Variants in ZC3H7A observed in about 807,000 individuals in gnomAD.
ZC3H7A encodes the protein zinc finger CCCH domain-containing protein 7A.
In ZC3H7A, 44 loss-of-function variants were observed where a neutral mutation model predicts 125.5. That is an observed-to-expected ratio of 0.35 (90% CI 0.28 to 0.45). The LOEUF is 0.45. ZC3H7A is among the 20% of genes least tolerant of loss of function. The pLI is 1.00. For missense variants in ZC3H7A, 977 were observed against 1,170.7 expected, an observed-to-expected ratio of 0.83 and a Z score of 2.41; for synonymous variants, 399 against 391.2, an observed-to-expected ratio of 1.02 and a Z score of -0.23.
chr16:11,793,965 G>C (rs2053393214), intron 1 of ZC3H7A, among the ~76,000 whole-genome samples: 1 of 152,186 alleles, frequency 6.6e-6, no homozygotes, highest in Admixed American at 6.5e-5. Flanking sequence ...AAGATACAAA[G>C]TCTGTGAAGA....
intron 1 of ZC3H7A, chr16:11,796,626 C>A: frequency 6.5e-6 from 1 of 153,024 alleles, no homozygotes. Flanking sequence ...CAAGGCCTCT[C>A]CCCGCCCGGC....
At chr16:11,757,483 CAAAAAAAAAAAA>C (rs61471026) in intron 20 of ZC3H7A, among the ~76,000 whole-genome samples, 3 of 40,980 alleles carry the variant, frequency 7.3e-5, no homozygotes, top group South Asian at 6.7e-4. Flanking sequence ...GACTCTGTCT[CAAAAAAAAAAAA>C]AAAAAAAAAA....
intron 1 of ZC3H7A, among the ~76,000 whole-genome samples, chr16:11,784,968 G>A (rs997514281): frequency 7.9e-5 from 12 of 152,096 alleles, no homozygotes; most frequent in African/African-American, 2.4e-4. Flanking sequence ...AGACCAGCCT[G>A]GCCAACATGG....
At chr16:11,756,124 C>T in intron 21 of ZC3H7A, 113 bp downstream of exon 21, 14 of 1,447,888 alleles carry the variant, frequency 9.7e-6, no homozygotes, top group African/African-American at 1.4e-5. Context: ...AATCACACCA[C>T]TGCACTCCAG....
intron 21 of ZC3H7A, among the ~76,000 whole-genome samples, chr16:11,754,517 C>CA (rs1472520752): frequency 1.3e-5 from 2 of 151,460 alleles, no homozygotes; most frequent in Non-Finnish European, 2.9e-5. Flanking sequence ...ACGGAGGTGC[C>CA]AAAAAACAAG....
chr16:11,792,022 C>T (rs2053362896), intron 1 of ZC3H7A, among the ~76,000 whole-genome samples: 1 of 152,194 alleles, frequency 6.6e-6, no homozygotes, highest in Admixed American at 6.5e-5. Context: ...ATCTTCCCAT[C>T]TCAGCCTCCC....
Position 11,765,301 on chromosome 16 carries a change from A to T in ZC3H7A, c.1720-148T>A. 3.0e-6 allele frequency: 2 copies of T among 658,766 alleles called. No homozygotes were observed. Among genetic ancestry groups the T allele is most frequent in the Non-Finnish European group, 4.7e-6 (2 of 423,928 alleles). 40.8% of individuals were successfully genotyped at this position (658,766 alleles called of 1,614,324 possible). A position where few individuals can be genotyped will look rare whatever the true frequency, so the allele number is the denominator to read the frequency against. On this transcript the variant is annotated intron_variant, in intron 14 of 22. Transcript: ENST00000355758. This position sits in a 1 kb window ranked among gnomAD's most constrained non-coding sequence, Gnocchi z 4.8. ...TTGGTAACAGTAATAGCCAACATTT[A>T]CTGAATGAATGTTTTATCACATGGG...
intron 15 of ZC3H7A, among the ~76,000 whole-genome samples, chr16:11,764,595 G>A (rs768636154): frequency 5.9e-5 from 9 of 152,110 alleles, no homozygotes; most frequent in Non-Finnish European, 1.2e-4. Context: ...AGTGGTGGGT[G>A]TCTGTAATCC....
rs371232408 is a variant in ZC3H7A, at chr16:11,762,785, T to A, written c.2003-38A>T. The A allele has an allele frequency of 4.2e-5, 68 of 1,603,648 alleles. No homozygotes were observed. In the African/African-American group the frequency reaches 8.7e-4, roughly 20 times the overall value. On this transcript the variant is annotated intron_variant, in intron 16 of 22. Transcript: ENST00000355758. Reference sequence around the variant, plus strand: ...CAAGCCTTCCTTTAAATTATATCTATAAGAACAACAGCCCACCAATCTGGG... The same window carrying A: ...CAAGCCTTCCTTTAAATTATATCTAAAAGAACAACAGCCCACCAATCTGGG...
intron 3 of ZC3H7A, among the ~76,000 whole-genome samples, chr16:11,781,035 C>T (rs1267931451): frequency 6.6e-6 from 1 of 151,792 alleles, no homozygotes; most frequent in Admixed American, 6.6e-5. Context: ...TAATTCAAAA[C>T]CACCCTAATA....
intron 11 of ZC3H7A, 72 bp from the exon 12 acceptor site, chr16:11,768,573 T>G: frequency 5.0e-6 from 6 of 1,204,686 alleles, no homozygotes; most frequent in Non-Finnish European, 6.7e-6. Flanking sequence ...AGAAAGGAAC[T>G]GAATTCATCT....
intron 16 of ZC3H7A, chr16:11,763,215 C>A: frequency 3.6e-6 from 1 of 278,786 alleles, no homozygotes; most frequent in Non-Finnish European, 6.7e-6. Context: ...TTAAGCAATT[C>A]TCATGCCTCA....
chr16:11,757,517 T>C (rs2052672636), intron 20 of ZC3H7A, among the ~76,000 whole-genome samples: 1 of 150,420 alleles, frequency 6.6e-6, no homozygotes, highest in Non-Finnish European at 1.5e-5. Context: ...AAAAAATTTG[T>C]TCCCAGTTGA....
intron 1 of ZC3H7A, among the ~76,000 whole-genome samples, chr16:11,794,169 T>A (rs2053396832): frequency 6.6e-6 from 1 of 152,180 alleles, no homozygotes; most frequent in Non-Finnish European, 1.5e-5. Flanking sequence ...ACCACCACGA[T>A]GTACCCAAGA....
rs185752227 is a variant in ZC3H7A at position 11,788,092 on chromosome 16, A to G, written c.-34-5704T>C. Among the ~76,000 whole-genome samples, 983 of 152,298 alleles carry G rather than the reference A, an allele frequency of 6.5e-3. 9 individuals are homozygous for G. The highest frequency in any genetic ancestry group is 9.7e-3 in the Non-Finnish European group (657 of 68,020). On this transcript the variant is annotated intron_variant, in intron 1 of 22. Transcript: ENST00000355758. ...TTAAAATCTAGCCTCAATTTTAAAG[A>G]AAGAAAGAATTTTACAAAGTTAACC...
At position 11,756,355 on chromosome 16, in the gene ZC3H7A, T is replaced by G; in HGVS notation, c.2444A>C (p.Gln815Pro). The G allele has an allele frequency of 1.2e-6, 2 of 1,613,390 alleles. No homozygotes were observed. The highest frequency in any genetic ancestry group is 1.7e-6 in the Non-Finnish European group (2 of 1,179,824). ...MKENGIQDME[Q>P]FYELWLKSQK... Reference sequence around the variant, plus strand: ...ACTCTTGAGCCATAGTTCGTAAAATTGCTCCATATCTTGTACTAAAGAAAA... The same window carrying G: ...ACTCTTGAGCCATAGTTCGTAAAATGGCTCCATATCTTGTACTAAAGAAAA... Residue 815 changes from glutamine to proline, a missense_variant, in exon 21 of 23, where the codon CAA (glutamine) becomes CCA (proline). Gln to Pro is a moderately conservative substitution (Grantham distance 76). Transcript: ENST00000355758.
intron 20 of ZC3H7A, 36 bp from the exon 21 acceptor site, chr16:11,756,406 T>G: frequency 6.2e-7 from 1 of 1,602,526 alleles, no homozygotes; most frequent in South Asian, 1.1e-5. Flanking sequence ...CAGCAGCAAC[T>G]AAACTCCATT....
intron 1 of ZC3H7A, among the ~76,000 whole-genome samples, chr16:11,783,691 A>T (rs942429587): frequency 2.0e-5 from 3 of 152,238 alleles, no homozygotes; most frequent in African/African-American, 7.2e-5. Flanking sequence ...CCCAGGTGAC[A>T]GGAAGGGAAA....
chr16:11,770,476 A>G (rs1448660236), intron 10 of ZC3H7A, among the ~76,000 whole-genome samples: 1 of 152,196 alleles, frequency 6.6e-6, no homozygotes. Context: ...AAGATGAGAT[A>G]CACCTTTACG....
Sources: allele counts gnomAD v4.1 joint callset (sites outside exome capture counted in the v4.1 genomes callset), GRCh38; gene constraint gnomAD v4.1.1; non-coding constraint Gnocchi (gnomAD v3.1); transcripts MANE v1.5; gene names NCBI Gene and HGNC (gene_info 2026-07-23, HGNC 2026-07-21).